ANKRD62: variants seen among roughly 807,000 people sequenced by gnomAD.
ANKRD62 encodes the protein ankyrin repeat domain 62.
In ANKRD62, 61 loss-of-function variants were observed where a neutral mutation model predicts 98.8. That is an observed-to-expected ratio of 0.62 (90% CI 0.50 to 0.76). The LOEUF (loss-of-function observed/expected upper bound fraction) is 0.76. Among genes scored for constraint, ANKRD62 ranks in the 30% least tolerant of loss-of-function variants. The pLI is 0.00. For synonymous variants in ANKRD62, 341 were observed against 367.9 expected (o/e 0.93, Z 0.84); for missense variants, 933 against 1,082.9 (o/e 0.86, Z 1.94).
At position 12,124,290 on chromosome 18, in the gene ANKRD62, A is replaced by G. The variant is rs1261757625; in HGVS notation, c.1608A>G (p.Glu536=). 2.3e-6 allele frequency: 3 copies of G among 1,300,482 alleles called. No homozygotes were observed. The highest frequency in any genetic ancestry group is 2.1e-6 in the Non-Finnish European group (2 of 963,302). 80.6% of individuals were successfully genotyped at this position (1,300,482 alleles called of 1,614,324 possible). The change falls in exon 12 of 14, where the codon GAA becomes GAG. Residue 536 remains glutamate, a synonymous_variant. Coordinates refer to ENST00000587848, the MANE Select transcript of ANKRD62 (RefSeq NM_001277333.2). The part of the protein sequence containing the change: ...SKLTLKSLEV[E]LKTVRSNSNQ... ...TGACTCTCAAATCATTGGAAGTGGA[A>G]TTGAAGACTGTAAGAAGTAACTCAA...
the ANKRD62 span, among the ~76,000 whole-genome samples, chr18:12,154,504 A>T: frequency 6.6e-6 from 1 of 152,226 alleles, no homozygotes; most frequent in South Asian, 2.1e-4. Context: ...GGGAGTGTTA[A>T]TTAGTTCCAC....
chr18:12,153,728 A>G, the ANKRD62 span, among the ~76,000 whole-genome samples: 1 of 152,198 alleles, frequency 6.6e-6, no homozygotes, highest in Non-Finnish European at 1.5e-5. Context: ...ACTTCAAACT[A>G]TACTACAGGG....
chr18:12,134,959 C>T, the ANKRD62 span, among the ~76,000 whole-genome samples: 1 of 152,094 alleles, frequency 6.6e-6, no homozygotes, highest in South Asian at 2.1e-4. Context: ...CTGACTTCCA[C>T]AATAGTTAAA....
At chr18:12,146,010 C>G in the ANKRD62 span, among the ~76,000 whole-genome samples, 2 of 150,268 alleles carry the variant, frequency 1.3e-5, no homozygotes, top group Admixed American at 1.3e-4. Flanking sequence ...TGTGGGACCT[C>G]TCAGAAAGAG....
chr18:12,158,582 G>C, the ANKRD62 span, among the ~76,000 whole-genome samples: 1 of 151,786 alleles, frequency 6.6e-6, no homozygotes, highest in Non-Finnish European at 1.5e-5. Flanking sequence ...CTGGAGTGCA[G>C]TGGTGCCATC....
At chr18:12,106,130 C>T (rs1023544277) in intron 7 of ANKRD62, among the ~76,000 whole-genome samples, 2 of 152,156 alleles carry the variant, frequency 1.3e-5, no homozygotes, top group Non-Finnish European at 2.9e-5. Flanking sequence ...ATCATGACAA[C>T]CTTAAGTATA....
the ANKRD62 span, among the ~76,000 whole-genome samples, chr18:12,170,609 G>A: frequency 6.6e-6 from 1 of 152,196 alleles, no homozygotes; most frequent in African/African-American, 2.4e-5. Context: ...ATATTCTGTT[G>A]ATTTGGGGTG....
At chr18:12,161,667 C>T in the ANKRD62 span, among the ~76,000 whole-genome samples, 1 of 152,122 alleles carries the variant, frequency 6.6e-6, no homozygotes, top group African/African-American at 2.4e-5. Flanking sequence ...CTCCCATCTC[C>T]ACCTCCTTGC....
the ANKRD62 span, among the ~76,000 whole-genome samples, chr18:12,136,906 G>A: frequency 6.6e-6 from 1 of 152,306 alleles, no homozygotes; most frequent in South Asian, 2.1e-4. Flanking sequence ...TTTGTATCCT[G>A]AGACTTTGCT....
the ANKRD62 span, among the ~76,000 whole-genome samples, chr18:12,150,236 ACAGT>A: frequency 6.6e-6 from 1 of 152,208 alleles, no homozygotes; most frequent in Non-Finnish European, 1.5e-5. Flanking sequence ...CTGAAATGAG[ACAGT>A]CAGACAAAAA....
At chr18:12,136,313 T>C in the ANKRD62 span, among the ~76,000 whole-genome samples, 6 of 151,992 alleles carry the variant, frequency 3.9e-5, no homozygotes, top group African/African-American at 1.4e-4. Flanking sequence ...CCTTTCCCCA[T>C]TGCTTGTTTT....
chr18:12,152,249 C>T, the ANKRD62 span, among the ~76,000 whole-genome samples: 9 of 149,170 alleles, frequency 6.0e-5, no homozygotes, highest in Non-Finnish European at 1.0e-4. Context: ...GGCCAGCATT[C>T]TCCTGATACC....
the ANKRD62 span, among the ~76,000 whole-genome samples, chr18:12,135,672 G>C: frequency 6.6e-6 from 1 of 151,762 alleles, no homozygotes; most frequent in African/African-American, 2.4e-5. Context: ...GTGTAAAAGT[G>C]TTCCTATTTC....
the ANKRD62 span, among the ~76,000 whole-genome samples, chr18:12,137,534 C>T: frequency 6.6e-6 from 1 of 152,128 alleles, no homozygotes; most frequent in Non-Finnish European, 1.5e-5. Flanking sequence ...CTCTGCCAGG[C>T]TTTGGTATCA....
chr18:12,175,681 A>G, the ANKRD62 span, among the ~76,000 whole-genome samples: 1 of 152,010 alleles, frequency 6.6e-6, no homozygotes, highest in Non-Finnish European at 1.5e-5. Flanking sequence ...CAGGACTTTC[A>G]GATTGTAAAG....
At chr18:12,096,147 G>T (rs1365207311) in intron 3 of ANKRD62, 49 bp from the exon 4 acceptor site, 1 of 1,236,616 alleles carries the variant, frequency 8.1e-7, no homozygotes, top group African/African-American at 1.5e-5. Context: ...CAGTTCAGTT[G>T]GGAAGTATGT....
At chr18:12,155,163 A>G in the ANKRD62 span, among the ~76,000 whole-genome samples, 9 of 151,404 alleles carry the variant, frequency 5.9e-5, no homozygotes, top group African/African-American at 2.2e-4. Flanking sequence ...CTGAAGTGTA[A>G]CTCTCAGTCC....
intron 6 of ANKRD62, among the ~76,000 whole-genome samples, chr18:12,101,227 G>C (rs1379781840): frequency 1.3e-5 from 2 of 151,372 alleles, no homozygotes. Context: ...ACAATTCATA[G>C]AATACATTTT....
Position 12,099,764 on chromosome 18 carries a change from C to T in ANKRD62, c.820+82C>T, listed in dbSNP as rs979626512. The T allele has an allele frequency of 5.7e-6, 4 of 706,602 alleles. No homozygotes were observed. In the African/African-American group the frequency reaches 7.4e-5, roughly 13 times the overall value. The allele number at this position is 706,602 out of a possible 1,614,324, so 43.8% of individuals were successfully genotyped here. On this transcript the variant is annotated intron_variant, in intron 6 of 13. Transcript: ENST00000587848. The stretch of plus-strand genomic sequence containing the variant: ...GAGGAAGGAAGTTTTGATCACAAAA[C>T]AGCAGTTTAAAAAAACCACTGTAAA...
Sources: allele counts gnomAD v4.1 joint callset (sites outside exome capture counted in the v4.1 genomes callset), GRCh38; gene constraint gnomAD v4.1.1; transcripts MANE v1.5; gene names NCBI Gene and HGNC (gene_info 2026-07-23, HGNC 2026-07-21).